Variants in FYB1 observed in about 807,000 individuals in gnomAD.
The protein encoded by FYB1 is FYN-binding protein 1.
In FYB1, 41 loss-of-function variants were observed where a neutral mutation model predicts 94.1. The ratio of observed to expected loss-of-function variants is 0.44; its 90% confidence interval spans 0.34 to 0.57. FYB1 has a LOEUF of 0.57. FYB1 is among the 20% of genes least tolerant of loss of function. FYB1 has a pLI of 0.02. For missense variants in FYB1, 1,050 were observed against 976.8 expected, an observed-to-expected ratio of 1.07 and a Z score of -1.00; for synonymous variants, 367 against 353.2, an observed-to-expected ratio of 1.04 and a Z score of -0.44.
chr5:39,145,268 G>C (rs979287601), intron 3 of FYB1, among the ~76,000 whole-genome samples: 2 of 152,132 alleles, frequency 1.3e-5, no homozygotes, highest in African/African-American at 4.8e-5. Flanking sequence ...AGATTTATGA[G>C]AGTCATTTAA....
chr5:39,150,337 C>T (rs577686907), intron 3 of FYB1, among the ~76,000 whole-genome samples: 1 of 152,190 alleles, frequency 6.6e-6, no homozygotes, highest in South Asian at 2.1e-4. Flanking sequence ...AACCCATTAT[C>T]TTTCTATTGT....
chr5:39,207,132 C>T (rs1357365222), intron 1 of FYB1, among the ~76,000 whole-genome samples: 1 of 152,146 alleles, frequency 6.6e-6, no homozygotes, highest in Non-Finnish European at 1.5e-5. Context: ...TGGAAGACAT[C>T]AGATTGTGAA....
At chr5:39,168,344 GCACTTGTTA>G (rs1251920302) in intron 2 of FYB1, among the ~76,000 whole-genome samples, 1 of 152,088 alleles carries the variant, frequency 6.6e-6, no homozygotes, top group Non-Finnish European at 1.5e-5. Context: ...TGTTTGGCCT[GCACTTGTTA>G]GCCTGAGACA....
chr5:39,242,387 GT>G lies in FYB1; in HGVS notation c.-28+32015del, dbSNP rs201856343. 8.8e-3 allele frequency among the ~76,000 whole-genome samples: 1,333 copies of G among 151,576 alleles called. 13 individuals carry two copies. The highest frequency in any genetic ancestry group is 0.031 in the African/African-American group (1,267 of 41,258). On this transcript the variant is annotated intron_variant, in intron 1 of 1. Transcript: ENST00000510188. ...TCCCACCTATGAGTGAGAACATGTG[GT>G]GTTTGGTTATTTGTCATTGTCATAA...
intron 1 of FYB1, among the ~76,000 whole-genome samples, chr5:39,271,126 C>A (rs1752651811): frequency 6.6e-6 from 1 of 151,544 alleles, no homozygotes; most frequent in South Asian, 2.1e-4. Context: ...TTAAAAAGAG[C>A]AAAAGTATAT....
At chr5:39,233,034 G>T (rs897047425) in intron 1 of FYB1, among the ~76,000 whole-genome samples, 1 of 152,038 alleles carries the variant, frequency 6.6e-6, no homozygotes, top group East Asian at 1.9e-4. Flanking sequence ...ACATACGTGT[G>T]CATGTGTCTT....
chr5:39,172,395 G>A (rs1447698052), intron 2 of FYB1, among the ~76,000 whole-genome samples: 2 of 151,980 alleles, frequency 1.3e-5, no homozygotes, highest in African/African-American at 2.4e-5. Context: ...GCAGTGAGCC[G>A]AGATCATGCC....
chr5:39,210,189 GCAACAACCCCAGCGATGCC>G (rs1321484211), intron 1 of FYB1, among the ~76,000 whole-genome samples: 2 of 152,188 alleles, frequency 1.3e-5, no homozygotes, highest in African/African-American at 4.8e-5. Context: ...AGGTGGAACT[GCAACAACCCCAGCGATGCC>G]CTGTCTGCTA....
chr5:39,164,596 G>A (rs1253868798), intron 2 of FYB1, among the ~76,000 whole-genome samples: 1 of 152,066 alleles, frequency 6.6e-6, no homozygotes, highest in African/African-American at 2.4e-5. Context: ...GGCTAATTGT[G>A]TATTTTTAGT....
At chr5:39,175,616 G>A (rs1745651099) in intron 2 of FYB1, among the ~76,000 whole-genome samples, 1 of 152,186 alleles carries the variant, frequency 6.6e-6, no homozygotes, top group Non-Finnish European at 1.5e-5. Context: ...GGTACATGCT[G>A]TGTGGAATGT....
chr5:39,237,784 T>A (rs1751032915), intron 1 of FYB1, among the ~76,000 whole-genome samples: 1 of 152,054 alleles, frequency 6.6e-6, no homozygotes, highest in South Asian at 2.1e-4. Context: ...AAAACAAGAT[T>A]GCAACAAGAA....
In FYB1 at chr5:39,192,392, A is replaced by C. The variant is rs528725961; in HGVS notation, c.1135+9434T>G. Among the ~76,000 whole-genome samples the C allele has an allele frequency of 5.3e-5, 8 of 152,278 alleles. No homozygotes were observed. The South Asian group carries it at 1.5e-3, about 28-fold the overall frequency. On this transcript the variant is annotated intron_variant, in intron 2 of 18. Transcript: ENST00000512982. ...CATCTCACAATGCATCTCATACTTT[A>C]TTTGAGGGTAATGTATTTCAAATTT...
intron 3 of FYB1, among the ~76,000 whole-genome samples, chr5:39,144,390 G>A (rs1221156344): frequency 1.3e-5 from 2 of 152,180 alleles, no homozygotes; most frequent in African/African-American, 4.8e-5. Context: ...ATATTATAGA[G>A]AGCAATCAGC....
chr5:39,263,573 T>C (rs1319795662), intron 1 of FYB1, among the ~76,000 whole-genome samples: 1 of 152,086 alleles, frequency 6.6e-6, no homozygotes, highest in African/African-American at 2.4e-5. Flanking sequence ...TTGAAGGAAG[T>C]GGATCAGAAC....
upstream of FYB1, chr5:39,219,731 T>C: frequency 2.9e-6 from 1 of 345,766 alleles, no homozygotes; most frequent in Non-Finnish European, 4.1e-6. Context: ...TCAGCCTGGA[T>C]ACTTCTGCTA....
At chr5:39,145,619 T>C (rs1426851789) in intron 3 of FYB1, among the ~76,000 whole-genome samples, 4 of 152,144 alleles carry the variant, frequency 2.6e-5, no homozygotes, top group Non-Finnish European at 5.9e-5. Context: ...GAATATTAAT[T>C]AAAAAGATGA....
chr5:39,221,318 A>T (rs1407510791), upstream of FYB1, among the ~76,000 whole-genome samples: 1 of 152,216 alleles, frequency 6.6e-6, no homozygotes, highest in African/African-American at 2.4e-5. Flanking sequence ...CTGGCCCCCA[A>T]CACAGGAGAC....
chr5:39,252,676 C>A (rs1049862764), intron 1 of FYB1, among the ~76,000 whole-genome samples: 2 of 151,500 alleles, frequency 1.3e-5, no homozygotes, highest in Non-Finnish European at 2.9e-5. Context: ...ACAGCAAGTT[C>A]TCTTTGTATT....
In FYB1 at chr5:39,122,841, C is replaced by G. The variant is rs1053538474; in HGVS notation, c.2072-439G>C. ...ATCATCCTATTTAAATGTCTCTCTC[C>G]TTCCTTCCTCCTTTCCTTCGCCTCA... On this transcript the variant is annotated intron_variant, in intron 13 of 18. Transcript: ENST00000512982. 5.9e-5 allele frequency among the ~76,000 whole-genome samples: 9 copies of G among 152,226 alleles called. No individual in the cohort carries two copies. In the East Asian group the frequency reaches 1.2e-3, roughly 20 times the overall value.
Sources: allele counts gnomAD v4.1 joint callset (sites outside exome capture counted in the v4.1 genomes callset), GRCh38; gene constraint gnomAD v4.1.1; transcripts MANE v1.5; gene names NCBI Gene and HGNC (gene_info 2026-07-23, HGNC 2026-07-21).